ADAMTS3: variants seen among roughly 807,000 people sequenced by gnomAD.
The protein encoded by ADAMTS3 is A disintegrin and metalloproteinase with thrombospondin motifs 3.
Under a neutral mutation model 129.0 loss-of-function variants are expected in ADAMTS3, and 73 were observed. That is an observed-to-expected ratio of 0.57 (90% CI 0.47 to 0.69). ADAMTS3 has a LOEUF of 0.69. Ranked by LOEUF, ADAMTS3 falls within the 30% of genes least tolerant of loss-of-function variation. The pLI is 0.00. For missense variants in ADAMTS3, 1,457 were observed against 1,514.5 expected (o/e 0.96, Z 0.63); for synonymous variants, 477 against 510.8 (o/e 0.93, Z 0.89).
intron 3 of ADAMTS3, among the ~76,000 whole-genome samples, chr4:72,522,006 C>G (rs1200189984): frequency 7.2e-5 from 11 of 152,248 alleles, no homozygotes; most frequent in Admixed American, 5.9e-4. Context: ...CTTAACCAAA[C>G]AAGCAAGGAG....
intron 2 of ADAMTS3, among the ~76,000 whole-genome samples, chr4:72,550,043 GA>G (rs1721593641): frequency 8.5e-4 from 5 of 5,852 alleles, no homozygotes; most frequent in South Asian, 5.7e-3. Flanking sequence ...AGAAGAAGAA[GA>G]GGAAGAGGAA....
intron 15 of ADAMTS3, among the ~76,000 whole-genome samples, chr4:72,308,923 G>T (rs982816349): frequency 1.3e-5 from 2 of 151,870 alleles, no homozygotes; most frequent in African/African-American, 4.8e-5. Context: ...ACAGATCCAA[G>T]ATTCCTAGAT....
At chr4:72,412,598 T>C (rs1722209329) in intron 4 of ADAMTS3, among the ~76,000 whole-genome samples, 1 of 151,962 alleles carries the variant, frequency 6.6e-6, no homozygotes, top group Non-Finnish European at 1.5e-5. Context: ...GAAGGTAAAT[T>C]CATATCACCC....
At chr4:72,425,895 T>C (rs1722561331) in intron 3 of ADAMTS3, among the ~76,000 whole-genome samples, 1 of 151,848 alleles carries the variant, frequency 6.6e-6, no homozygotes, top group South Asian at 2.1e-4. Flanking sequence ...TCTAGATCCC[T>C]GAGGAATCAC....
At chr4:72,468,813 T>C (rs1258683672) in intron 3 of ADAMTS3, among the ~76,000 whole-genome samples, 1 of 151,972 alleles carries the variant, frequency 6.6e-6, no homozygotes. Context: ...TCACAGCTTA[T>C]CTTGCCAGTG....
intron 4 of ADAMTS3, among the ~76,000 whole-genome samples, chr4:72,413,989 T>C (rs1410632895): frequency 6.6e-6 from 1 of 151,894 alleles, no homozygotes; most frequent in South Asian, 2.1e-4. Context: ...AGGTAGCAAG[T>C]CTCAAAAGGC....
chr4:72,355,989 G>T (rs1720572311), intron 4 of ADAMTS3, among the ~76,000 whole-genome samples: 1 of 151,798 alleles, frequency 6.6e-6, no homozygotes. Flanking sequence ...GGTTTTGACT[G>T]CAAAATACTT....
intron 3 of ADAMTS3, among the ~76,000 whole-genome samples, chr4:72,507,697 C>T (rs1403487281): frequency 6.6e-6 from 1 of 152,120 alleles, no homozygotes; most frequent in Non-Finnish European, 1.5e-5. Context: ...TCTCAATGAG[C>T]ATTTAAAGCA....
intron 3 of ADAMTS3, among the ~76,000 whole-genome samples, chr4:72,416,172 A>AATATAAATATATATATATACATATATGT (rs149079357): frequency 7.2e-4 from 105 of 146,078 alleles, no homozygotes; most frequent in Non-Finnish European, 9.9e-4. Flanking sequence ...AGCAAATATA[A>AATATAAATATATATATATACATATATGT]ATATAAATAT....
At chr4:72,445,963 ATGCTTTGAGC>A (rs1718242416) in intron 3 of ADAMTS3, among the ~76,000 whole-genome samples, 1 of 151,734 alleles carries the variant, frequency 6.6e-6, no homozygotes, top group Admixed American at 6.6e-5. Context: ...AGTAGCCAGG[ATGCTTTGAGC>A]TGCAAGTAAC....
At chr4:72,350,454 T>C (rs1720404646) in intron 4 of ADAMTS3, among the ~76,000 whole-genome samples, 2 of 152,096 alleles carry the variant, frequency 1.3e-5, no homozygotes, top group South Asian at 4.1e-4. Context: ...TGGGTTGCAT[T>C]TTCTGGCTTC....
intron 3 of ADAMTS3, among the ~76,000 whole-genome samples, chr4:72,535,449 G>C (rs945943221): frequency 2.0e-5 from 3 of 152,134 alleles, no homozygotes; most frequent in Admixed American, 6.5e-5. Flanking sequence ...GCATCTAACA[G>C]TACAGTCCTC....
intron 18 of ADAMTS3, 101 bp downstream of exon 18, chr4:72,298,176 T>A: frequency 2.3e-6 from 2 of 887,116 alleles, no homozygotes; most frequent in Non-Finnish European, 3.4e-6. Context: ...GTTTGGTGTT[T>A]CTCAGATTGT....
rs561011235 is a variant in ADAMTS3, at chr4:72,281,751, T to C, written c.*1385A>G. 4.6e-5 allele frequency: 7 copies of C among 152,282 alleles called. No homozygotes were observed. The South Asian group carries it at 1.2e-3, about 27-fold the overall frequency. The allele number at this position is 152,282 out of a possible 1,614,324, so 9.4% of individuals were successfully genotyped here. A position where few individuals can be genotyped will look rare whatever the true frequency, so the allele number is the denominator to read the frequency against. The stretch of plus-strand genomic sequence containing the variant: ...AAGCATGCATCTCTAATTATGTCTC[T>C]CTAGTTTACCAAAATATGTAATTGA... On this transcript the variant is annotated 3_prime_UTR_variant, in exon 22 of 22. Transcript: ENST00000286657.
intron 2 of ADAMTS3, among the ~76,000 whole-genome samples, chr4:72,549,157 C>T (rs753514422): frequency 2.6e-5 from 4 of 152,012 alleles, no homozygotes; most frequent in African/African-American, 7.2e-5. Flanking sequence ...TTTGCAAACA[C>T]GAATATAATG....
At chr4:72,528,926 G>A (rs1408251159) in intron 3 of ADAMTS3, among the ~76,000 whole-genome samples, 1 of 151,996 alleles carries the variant, frequency 6.6e-6, no homozygotes, top group African/African-American at 2.4e-5. Flanking sequence ...AACAATAAAT[G>A]TACATAAAAA....
intron 3 of ADAMTS3, among the ~76,000 whole-genome samples, chr4:72,500,256 G>A (rs761745995): frequency 5.9e-5 from 9 of 152,018 alleles, no homozygotes; most frequent in African/African-American, 9.7e-5. Context: ...TAAGCATTCC[G>A]TTTTCTCTGC....
intron 4 of ADAMTS3, among the ~76,000 whole-genome samples, chr4:72,394,105 C>T (rs1231735879): frequency 6.6e-6 from 1 of 152,112 alleles, no homozygotes; most frequent in Non-Finnish European, 1.5e-5. Flanking sequence ...TTAGAGGGAG[C>T]TCTTTCAGAG....
At chr4:72,406,139 T>C (rs1288320763) in intron 4 of ADAMTS3, among the ~76,000 whole-genome samples, 1 of 152,172 alleles carries the variant, frequency 6.6e-6, no homozygotes, top group Non-Finnish European at 1.5e-5. Flanking sequence ...GAGTGGATCA[T>C]ATAGGCTGGA....
Sources: gnomAD v4.1 joint callset for allele counts (sites outside exome capture counted in the v4.1 genomes callset) on GRCh38, gnomAD v4.1.1 for gene constraint, MANE v1.5 for transcripts, NCBI Gene and HGNC (gene_info 2026-07-23, HGNC 2026-07-21) for gene names.